UNC13C: variants seen among roughly 807,000 people sequenced by gnomAD.
The protein encoded by UNC13C is protein unc-13 homolog C.
A neutral mutation model predicts 245.4 loss-of-function variants in UNC13C; 174 were observed. The observed-to-expected ratio is 0.71, with a 90% CI of 0.63 to 0.80. The LOEUF (loss-of-function observed/expected upper bound fraction) is 0.80. Among genes scored for constraint, UNC13C ranks in the 30% least tolerant of loss-of-function variants. The pLI is 0.00. For missense variants in UNC13C, 2,829 were observed against 2,602.9 expected (o/e 1.09, Z -1.89); for synonymous variants, 992 against 895.1 (o/e 1.11, Z -1.93).
At chr15:54,293,142 C>G (rs567464827) in intron 10 of UNC13C, among the ~76,000 whole-genome samples, 1 of 151,662 alleles carries the variant, frequency 6.6e-6, no homozygotes, top group Admixed American at 6.6e-5. Context: ...TTGATTGCAA[C>G]TAAATGGTTC....
Position 54,494,597 on chromosome 15 carries a change from A to T in UNC13C, c.4934-11A>T, listed in dbSNP as rs1271565319. 2.6e-6 allele frequency: 4 copies of T among 1,567,820 alleles called. No homozygotes were observed. On this transcript the variant is annotated splice_polypyrimidine_tract_variant and intron_variant, in intron 19 of 32. Coordinates refer to ENST00000260323, the MANE Select transcript of UNC13C (RefSeq NM_001080534.3). ...CAAGCTTTATTAAATATTTAATTTTATCTGTTATAGAACATGAAAATCAGC... is the reference window on the plus strand; with the variant it reads ...CAAGCTTTATTAAATATTTAATTTTTTCTGTTATAGAACATGAAAATCAGC...
At chr15:54,000,143 G>A (rs1249322234) in intron 1 of UNC13C, among the ~76,000 whole-genome samples, 3 of 152,082 alleles carry the variant, frequency 2.0e-5, no homozygotes, top group Non-Finnish European at 4.4e-5. Flanking sequence ...AGTTAGAATG[G>A]AGTATGCCTC....
At chr15:54,127,685 T>A (rs2031138743) in intron 2 of UNC13C, among the ~76,000 whole-genome samples, 1 of 149,442 alleles carries the variant, frequency 6.7e-6, no homozygotes, top group African/African-American at 2.5e-5. Context: ...TGCACATGTA[T>A]CCCAGAACTT....
chr15:53,916,640 T>C, the UNC13C span, among the ~76,000 whole-genome samples: 1 of 152,212 alleles, frequency 6.6e-6, no homozygotes, highest in African/African-American at 2.4e-5. Context: ...ATTTCAGAAC[T>C]ACCAGAGTTC....
chr15:53,855,172 C>T, the UNC13C span, among the ~76,000 whole-genome samples: 3 of 152,068 alleles, frequency 2.0e-5, no homozygotes, highest in African/African-American at 4.8e-5. Context: ...TGAAGTTACT[C>T]GTCAGCTTAA....
intron 25 of UNC13C, among the ~76,000 whole-genome samples, chr15:54,532,023 T>C (rs946367557): frequency 6.7e-6 from 1 of 149,654 alleles, no homozygotes; most frequent in African/African-American, 2.5e-5. Context: ...TTCATTTTTC[T>C]TGTAAATTTA....
chr15:54,497,959 A>G lies in UNC13C; in HGVS notation c.5061-2120A>G, dbSNP rs1894030214. 3.3e-5 allele frequency among the ~76,000 whole-genome samples: 5 copies of G among 152,078 alleles called. No homozygotes were observed. In the South Asian group the frequency reaches 1.0e-3, roughly 31 times the overall value. On this transcript the variant is annotated intron_variant, in intron 20 of 32. Transcript: ENST00000260323. ...CAGCTTTTCATGGACAATATATAAC[A>G]TTCATCAAAAAATTAAAGGCTACCA...
chr15:54,056,064 C>G (rs568031328), intron 2 of UNC13C, among the ~76,000 whole-genome samples: 78 of 152,230 alleles, frequency 5.1e-4, no homozygotes, highest in Non-Finnish European at 4.4e-5. Flanking sequence ...TAACATCCAG[C>G]TGAGGAACGC....
intron 13 of UNC13C, among the ~76,000 whole-genome samples, chr15:54,312,788 G>T (rs2037909344): frequency 6.6e-6 from 1 of 151,702 alleles, no homozygotes; most frequent in African/African-American, 2.4e-5. Flanking sequence ...TCTGATAAAG[G>T]GGGCAGACAT....
At chr15:54,136,407 T>C (rs2031735645) in intron 2 of UNC13C, among the ~76,000 whole-genome samples, 1 of 152,202 alleles carries the variant, frequency 6.6e-6, no homozygotes, top group South Asian at 2.1e-4. Flanking sequence ...TTTTTTATCA[T>C]GACACTTTAG....
chr15:54,185,496 C>G (rs1262843887), intron 4 of UNC13C, among the ~76,000 whole-genome samples: 24 of 150,974 alleles, frequency 1.6e-4, no homozygotes, highest in Admixed American at 1.6e-3. Context: ...TATGGCTAGC[C>G]AGTTTTCCCA....
At chr15:54,420,476 C>T (rs753843289) in intron 19 of UNC13C, among the ~76,000 whole-genome samples, 1 of 151,690 alleles carries the variant, frequency 6.6e-6, no homozygotes, top group Non-Finnish European at 1.5e-5. Context: ...TCTCGTTGGT[C>T]GCACAGTTCA....
chr15:54,447,654 C>A (rs540787492), intron 19 of UNC13C, among the ~76,000 whole-genome samples: 8 of 151,950 alleles, frequency 5.3e-5, no homozygotes, highest in African/African-American at 1.9e-4. Context: ...CTATTTGATT[C>A]TTCTCTCTTT....
At position 54,377,813 on chromosome 15, in the gene UNC13C, C is replaced by A. The variant is rs73417746; in HGVS notation, c.4714-15235C>A. ...CCCCCATGATGACCTAACAACTTCC[C>A]AAAGGCCTCACCTCTTAATAGTATT... is the stretch of plus-strand genomic sequence containing the variant. On this transcript the variant is annotated intron_variant, in intron 17 of 32. Coordinates refer to ENST00000260323, the MANE Select transcript of UNC13C (RefSeq NM_001080534.3). Among the ~76,000 whole-genome samples the A allele has an allele frequency of 7.9e-3, 1,205 of 152,268 alleles. 11 individuals carry two copies. Among genetic ancestry groups the A allele is most frequent in the African/African-American group, 0.028 (1,151 of 41,566 alleles).
chr15:54,145,484 A>C (rs1384489383), intron 4 of UNC13C, among the ~76,000 whole-genome samples: 1 of 152,158 alleles, frequency 6.6e-6, no homozygotes. Flanking sequence ...TTCATATTCT[A>C]ATGTTATAGT....
At chr15:54,468,118 G>A (rs1053446146) in intron 19 of UNC13C, among the ~76,000 whole-genome samples, 5 of 151,344 alleles carry the variant, frequency 3.3e-5, no homozygotes, top group African/African-American at 7.3e-5. Context: ...CATTTTCACC[G>A]GTACTTTTTA....
intron 17 of UNC13C, among the ~76,000 whole-genome samples, chr15:54,356,225 T>C (rs2039091508): frequency 1.3e-5 from 2 of 152,232 alleles, no homozygotes; most frequent in African/African-American, 4.8e-5. Context: ...TAAAAGTATG[T>C]ATCAAATAAA....
chr15:54,376,488 C>T (rs1002070020), intron 17 of UNC13C, among the ~76,000 whole-genome samples: 5 of 152,076 alleles, frequency 3.3e-5, no homozygotes, highest in Admixed American at 6.6e-5. Context: ...AAATTAAATA[C>T]ATTTAAACTC....
chr15:54,318,136 T>C (rs567284830), intron 13 of UNC13C, among the ~76,000 whole-genome samples: 4 of 152,140 alleles, frequency 2.6e-5, no homozygotes, highest in East Asian at 3.9e-4. Context: ...CATCTACTGA[T>C]AGATACTTAG....
Sources: gnomAD v4.1 joint callset for allele counts (sites outside exome capture counted in the v4.1 genomes callset) on GRCh38, gnomAD v4.1.1 for gene constraint, MANE v1.5 for transcripts, NCBI Gene and HGNC (gene_info 2026-07-23, HGNC 2026-07-21) for gene names.